Variants in PTPRN2 observed in about 807,000 individuals in gnomAD.
PTPRN2 encodes the protein protein tyrosine phosphatase receptor type N2.
In PTPRN2, 74 loss-of-function variants were observed where a neutral mutation model predicts 118.8. The observed-to-expected ratio is 0.62, with a 90% confidence interval of 0.52 to 0.76. The LOEUF (loss-of-function observed/expected upper bound fraction) is 0.76. Ranked by LOEUF, PTPRN2 falls within the 30% of genes least tolerant of loss-of-function variation. The probability of loss-of-function intolerance (pLI) is 0.00; values close to 1 mark genes in which losing one functional copy is unlikely to be tolerated. For synonymous variants in PTPRN2, 641 were observed against 608.0 expected, an observed-to-expected ratio of 1.05 and a Z score of -0.80; for missense variants, 1,481 against 1,394.4, an observed-to-expected ratio of 1.06 and a Z score of -0.99.
chr7:157,846,373 G>A (rs376549684), intron 12 of PTPRN2, among the ~76,000 whole-genome samples: 2 of 151,982 alleles, frequency 1.3e-5, no homozygotes, highest in African/African-American at 2.4e-5. Context: ...GAGAGAACTC[G>A]GTATCATTAT....
intron 12 of PTPRN2, among the ~76,000 whole-genome samples, chr7:157,807,236 T>C (rs1272420214): frequency 6.6e-6 from 1 of 152,176 alleles, no homozygotes; most frequent in African/African-American, 2.4e-5. Flanking sequence ...CCCAGCCCTT[T>C]CCGTGCCCTC....
At chr7:158,388,249 A>C (rs1230153005) in intron 2 of PTPRN2, among the ~76,000 whole-genome samples, 4 of 152,134 alleles carry the variant, frequency 2.6e-5, no homozygotes, top group Non-Finnish European at 5.9e-5. Context: ...CTCCACGGGA[A>C]GCCACGGTTC....
chr7:158,141,595 G>C (rs1021692616), intron 6 of PTPRN2, among the ~76,000 whole-genome samples: 1 of 152,152 alleles, frequency 6.6e-6, no homozygotes, highest in African/African-American at 2.4e-5. Flanking sequence ...TTCTTCAGGG[G>C]GCGTCTTGCT....
At chr7:158,321,904 C>G (rs1182694445) in intron 2 of PTPRN2, among the ~76,000 whole-genome samples, 1 of 152,208 alleles carries the variant, frequency 6.6e-6, no homozygotes, top group Non-Finnish European at 1.5e-5. Flanking sequence ...TGTGCGTGCC[C>G]AAGGATGCCG....
At chr7:158,226,553 T>C (rs551625002) in intron 3 of PTPRN2, among the ~76,000 whole-genome samples, 7 of 152,022 alleles carry the variant, frequency 4.6e-5, no homozygotes, top group Non-Finnish European at 1.0e-4. Flanking sequence ...GAGCAAGTGG[T>C]GGCAGCGTGC....
In PTPRN2 at chr7:157,649,756, A is replaced by G. The variant is rs370795728; in HGVS notation, c.2196+6601T>C. On this transcript the variant is annotated intron_variant, in intron 14 of 22. Coordinates refer to ENST00000389418, the MANE Select transcript of PTPRN2 (RefSeq NM_002847.5). ...CACTGTGCACTGAACTCGGTGGGTC[A>G]GACCCATCCAGTGTGCACTGAACTT... 9.0e-4 allele frequency among the ~76,000 whole-genome samples: 104 copies of G among 115,372 alleles called. 1 individual carries two copies. The East Asian group carries it at 0.023, about 25-fold the overall frequency. The allele number at this position is 115,372 out of a possible 152,430, so 75.7% of individuals were successfully genotyped here. A position where few individuals can be genotyped will look rare whatever the true frequency, so the allele number is the denominator to read the frequency against.
intron 12 of PTPRN2, among the ~76,000 whole-genome samples, chr7:157,725,670 G>A (rs71538053): frequency 7.8e-6 from 1 of 128,764 alleles, no homozygotes; most frequent in African/African-American, 3.1e-5. Flanking sequence ...ACACAGAGGA[G>A]TGAGCCAGAC....
chr7:158,192,970 G>T (rs1585803532), intron 4 of PTPRN2, among the ~76,000 whole-genome samples: 1 of 152,194 alleles, frequency 6.6e-6, no homozygotes, highest in African/African-American at 2.4e-5. Flanking sequence ...CCAGGTTCTC[G>T]CCTGATAAAT....
At chr7:158,377,731 G>A (rs1810655766) in intron 2 of PTPRN2, among the ~76,000 whole-genome samples, 1 of 152,232 alleles carries the variant, frequency 6.6e-6, no homozygotes. Flanking sequence ...CAATCCAAAT[G>A]TCCGCAGCTG....
intron 1 of PTPRN2, among the ~76,000 whole-genome samples, chr7:158,502,096 C>T (rs867830965): frequency 1.2e-4 from 18 of 152,244 alleles, no homozygotes; most frequent in South Asian, 2.1e-4. Context: ...ATCCCAGGGC[C>T]GGGAGAAAAG....
intron 2 of PTPRN2, among the ~76,000 whole-genome samples, chr7:158,377,396 T>C (rs1312774604): frequency 6.6e-6 from 1 of 152,232 alleles, no homozygotes; most frequent in Non-Finnish European, 1.5e-5. Context: ...ATGTAAAATG[T>C]ATCGGTCTTC....
chr7:158,115,411 G>A (rs1357360503), intron 9 of PTPRN2, among the ~76,000 whole-genome samples: 1 of 152,142 alleles, frequency 6.6e-6, no homozygotes, highest in Non-Finnish European at 1.5e-5. Context: ...GCTCTGCAGG[G>A]TTGAAGGGAC....
chr7:158,265,295 C>A (rs567627211), intron 3 of PTPRN2, among the ~76,000 whole-genome samples: 1 of 152,142 alleles, frequency 6.6e-6, no homozygotes, highest in Non-Finnish European at 1.5e-5. Context: ...GACACAGACA[C>A]GAGCACATAC....
At chr7:157,644,801 AC>A (rs1420302306) in intron 14 of PTPRN2, among the ~76,000 whole-genome samples, 1 of 85,312 alleles carries the variant, frequency 1.2e-5, no homozygotes, top group Non-Finnish European at 3.0e-5. Flanking sequence ...ATCTCAAAAA[AC>A]AAAAAAAAAA....
intron 1 of PTPRN2, among the ~76,000 whole-genome samples, chr7:158,568,873 C>G (rs567485702): frequency 9.9e-5 from 15 of 152,122 alleles, no homozygotes; most frequent in African/African-American, 1.4e-4. Flanking sequence ...CACCTGTAAT[C>G]CCAACACTTC....
intron 11 of PTPRN2, among the ~76,000 whole-genome samples, chr7:157,932,820 CTT>C (rs1367153463): frequency 1.3e-5 from 2 of 148,786 alleles, no homozygotes; most frequent in East Asian, 4.1e-4. Flanking sequence ...AAGTGACTCA[CTT>C]TGACTGACAT....
intron 11 of PTPRN2, among the ~76,000 whole-genome samples, chr7:158,061,151 C>T (rs1167342585): frequency 3.3e-5 from 5 of 152,250 alleles, no homozygotes; most frequent in Admixed American, 6.5e-5. Flanking sequence ...AGCAGGCCGC[C>T]GTCGGGCGGT....
chr7:158,420,335 C>T (rs1289737885), intron 2 of PTPRN2, among the ~76,000 whole-genome samples: 1 of 152,276 alleles, frequency 6.6e-6, no homozygotes, highest in African/African-American at 2.4e-5. Flanking sequence ...TTGCTGACCA[C>T]GGGTTACCTT....
At chr7:158,397,622 G>C (rs1249389749) in intron 2 of PTPRN2, among the ~76,000 whole-genome samples, 2 of 152,142 alleles carry the variant, frequency 1.3e-5, no homozygotes, top group Admixed American at 1.3e-4. Flanking sequence ...CATTTGGGCA[G>C]GTCTGGGCCT....
Sources: gnomAD v4.1 joint callset for allele counts (sites outside exome capture counted in the v4.1 genomes callset) on GRCh38, gnomAD v4.1.1 for gene constraint, MANE v1.5 for transcripts, NCBI Gene and HGNC (gene_info 2026-07-23, HGNC 2026-07-21) for gene names.